UBE2W: variants seen among roughly 807,000 people sequenced by gnomAD.
UBE2W encodes ubiquitin-conjugating enzyme E2 W.
UBE2W carries 18 observed loss-of-function variants against 27.2 expected under a neutral mutation model. The observed-to-expected ratio is 0.66, with a 90% CI of 0.46 to 0.98. The LOEUF (loss-of-function observed/expected upper bound fraction) is 0.98, where lower values mean the gene tolerates loss of function less well. UBE2W is among the 50% of genes least tolerant of loss of function. The pLI is 0.00. For synonymous variants in UBE2W, 53 were observed against 57.2 expected, an observed-to-expected ratio of 0.93 and a Z score of 0.33; for missense variants, 90 against 180.2, an observed-to-expected ratio of 0.50 and a Z score of 2.87.
chr8:73,857,784 C>G (rs1286290448), intron 1 of UBE2W, among the ~76,000 whole-genome samples: 1 of 151,754 alleles, frequency 6.6e-6, no homozygotes, highest in African/African-American at 2.4e-5. Context: ...CCACTGCACT[C>G]CAGCCTGGGT....
chr8:73,800,942 A>G (rs1379834958), intron 5 of UBE2W, among the ~76,000 whole-genome samples: 1 of 152,102 alleles, frequency 6.6e-6, no homozygotes, highest in Non-Finnish European at 1.5e-5. Context: ...AAAATACAAA[A>G]TTAGCCGGGC....
intron 5 of UBE2W, among the ~76,000 whole-genome samples, chr8:73,797,462 A>G (rs1305629445): frequency 6.6e-6 from 1 of 152,250 alleles, no homozygotes; most frequent in East Asian, 1.9e-4. Context: ...CTTGTTAATC[A>G]GCAGGAAACA....
chr8:73,854,542 T>C (rs574773378), intron 1 of UBE2W, among the ~76,000 whole-genome samples: 11 of 152,362 alleles, frequency 7.2e-5, no homozygotes, highest in South Asian at 2.1e-4. Context: ...TGCATTGTCA[T>C]TGCCATTTTT....
chr8:73,848,069 C>T (rs1055933225), intron 1 of UBE2W, among the ~76,000 whole-genome samples: 5 of 151,838 alleles, frequency 3.3e-5, no homozygotes, highest in African/African-American at 4.8e-5. Context: ...GGTGTCGTGG[C>T]GCATGCCTGT....
At chr8:73,834,153 T>A (rs538161776) in intron 1 of UBE2W, 25 of 152,330 alleles carry the variant, frequency 1.6e-4, no homozygotes, top group Non-Finnish European at 3.1e-4. Context: ...AATATTACTA[T>A]CAGTAAGTAA....
At chr8:73,858,879 C>CGTGTGT (rs5892434) in intron 1 of UBE2W, among the ~76,000 whole-genome samples, 9 of 141,726 alleles carry the variant, frequency 6.4e-5, no homozygotes, top group South Asian at 2.3e-4. Flanking sequence ...TTTTTGCGTG[C>CGTGTGT]GTGTGTGTGT....
At chr8:73,848,978 GATGA>G (rs1810940994) in intron 1 of UBE2W, among the ~76,000 whole-genome samples, 1 of 152,048 alleles carries the variant, frequency 6.6e-6, no homozygotes, top group African/African-American at 2.4e-5. Context: ...ATTTTAAATG[GATGA>G]GTATATTATG....
At chr8:73,857,429 ATAT>A (rs2130962985) in intron 1 of UBE2W, among the ~76,000 whole-genome samples, 1 of 143,656 alleles carries the variant, frequency 7.0e-6, no homozygotes, top group Non-Finnish European at 1.5e-5. Context: ...GTGTTCTAAA[ATAT>A]AATAATGTAT....
chr8:73,843,028 A>C (rs1324539968), intron 1 of UBE2W, among the ~76,000 whole-genome samples: 2 of 152,232 alleles, frequency 1.3e-5, no homozygotes, highest in Admixed American at 6.5e-5. Flanking sequence ...TTTACAACAC[A>C]AATGAACCTT....
chr8:73,794,854 T>TAAA (rs1289254274), intron 5 of UBE2W, among the ~76,000 whole-genome samples: 7 of 43,874 alleles, frequency 1.6e-4, no homozygotes, highest in Admixed American at 2.5e-4. Flanking sequence ...CTCTGTCTCA[T>TAAA]AAAAAAAAAA....
At position 73,855,325 on chromosome 8, in the gene UBE2W, T is replaced by G. The variant is rs574005700; in HGVS notation, c.15+23483A>C. Among the ~76,000 whole-genome samples the G allele has an allele frequency of 4.2e-4, 64 of 151,646 alleles. 1 individual carries two copies. In the East Asian group the frequency reaches 9.7e-3, roughly 23 times the overall value. On this transcript the variant is annotated intron_variant, in intron 1 of 5. Transcript: ENST00000602593. ...TTCCCAACACTTGAGCTCACAGCAA[T>G]AGCAACAGAAGGTGATTATGAAATT...
At chr8:73,842,386 G>A (rs375242807) in intron 1 of UBE2W, among the ~76,000 whole-genome samples, 7 of 151,734 alleles carry the variant, frequency 4.6e-5, no homozygotes, top group African/African-American at 9.7e-5. Context: ...AAAATGAGCC[G>A]GGCGTGGTGG....
intron 1 of UBE2W, among the ~76,000 whole-genome samples, chr8:73,834,779 T>C (rs1810237695): frequency 2.0e-5 from 3 of 151,920 alleles, no homozygotes; most frequent in South Asian, 2.1e-4. Context: ...AGTGGTGGCA[T>C]GCGCCTGTAA....
intron 5 of UBE2W, chr8:73,796,462 T>C (rs1808425899): frequency 5.9e-6 from 1 of 169,204 alleles, no homozygotes. Flanking sequence ...CACAAATGCA[T>C]CTTTATTTAC....
chr8:73,833,309 TTA>T (rs1421072684), intron 1 of UBE2W, among the ~76,000 whole-genome samples: 1 of 151,450 alleles, frequency 6.6e-6, no homozygotes, highest in Non-Finnish European at 1.5e-5. Context: ...TTCAAAAATT[TTA>T]TGCCTTGTGA....
chr8:73,802,590 G>A (rs895949707), intron 5 of UBE2W, among the ~76,000 whole-genome samples: 1 of 151,994 alleles, frequency 6.6e-6, no homozygotes, highest in South Asian at 2.1e-4. Flanking sequence ...ACATTTTTTT[G>A]GTTATATTTT....
rs984047095 is a variant in UBE2W at position 73,792,400 on chromosome 8, A to T, written c.*1702T>A. ...GCAGACATATTTTTGAAGTCTACCCACCCCTGAGTTCAGCAATTATACTTT... is the reference window on the plus strand; with the variant it reads ...GCAGACATATTTTTGAAGTCTACCCTCCCCTGAGTTCAGCAATTATACTTT... On this transcript the variant is annotated 3_prime_UTR_variant, in exon 6 of 6. Transcript: ENST00000602593. The T allele has an allele frequency of 2.6e-5, 26 of 985,422 alleles. No homozygotes were observed. The highest frequency in any genetic ancestry group is 3.1e-5 in the Non-Finnish European group (26 of 829,778). 61.0% of individuals were successfully genotyped at this position (985,422 alleles called of 1,614,324 possible).
chr8:73,794,325 T>C (rs1239452594), intron 5 of UBE2W, among the ~76,000 whole-genome samples: 1 of 152,194 alleles, frequency 6.6e-6, no homozygotes, highest in Admixed American at 6.5e-5. Context: ...ATAGTTCACA[T>C]AAACCTTAAA....
intron 3 of UBE2W, among the ~76,000 whole-genome samples, chr8:73,822,631 A>AAAAAAAC (rs1563593366): frequency 7.1e-6 from 1 of 141,694 alleles, no homozygotes; most frequent in Admixed American, 7.1e-5. Flanking sequence ...AAAAAAAAAA[A>AAAAAAAC]AAATTAGCTG....
Sources: gnomAD v4.1 joint callset for allele counts (sites outside exome capture counted in the v4.1 genomes callset) on GRCh38, gnomAD v4.1.1 for gene constraint, MANE v1.5 for transcripts, NCBI Gene and HGNC (gene_info 2026-07-23, HGNC 2026-07-21) for gene names.